TNIK: variants seen among roughly 807,000 people sequenced by gnomAD.
The protein encoded by TNIK is TRAF2 and NCK interacting kinase, also known as TRAF2 and NCK-interacting protein kinase.
In TNIK, 49 loss-of-function variants were observed where a neutral mutation model predicts 191.3. The observed-to-expected ratio is 0.26, with a 90% CI of 0.20 to 0.32. The LOEUF (loss-of-function observed/expected upper bound fraction) is 0.32. Among genes scored for constraint, TNIK ranks in the 10% least tolerant of loss-of-function variants. The pLI is 1.00. For synonymous variants in TNIK, 594 were observed against 600.9 expected (o/e 0.99, Z 0.17); for missense variants, 1,155 against 1,702.3 (o/e 0.68, Z 5.66).
At chr3:171,426,397 GC>G (rs1724604767) in intron 1 of TNIK, among the ~76,000 whole-genome samples, 1 of 121,460 alleles carries the variant, frequency 8.2e-6, no homozygotes, top group African/African-American at 3.2e-5. Flanking sequence ...ACACACTGGG[GC>G]CTGTTGTGGG....
rs142093464 is a variant in TNIK, at chr3:171,129,849, C to T, written c.1609-971G>A. Among the ~76,000 whole-genome samples, 191 of 152,306 alleles carry T rather than the reference C, an allele frequency of 1.3e-3. 1 individual carries two copies. Among genetic ancestry groups the T allele is most frequent in the African/African-American group, 4.3e-3 (180 of 41,564 alleles). ...AAGAGAAACTTAGATAAACAAGGTG[C>T]GCACTCTAAGATATGGCTTAAGATC... On this transcript the variant is annotated intron_variant, in intron 15 of 32. Transcript: ENST00000436636.
intron 15 of TNIK, among the ~76,000 whole-genome samples, chr3:171,137,743 T>C (rs1396679951): frequency 2.0e-5 from 3 of 152,198 alleles, no homozygotes. Context: ...AGTATCACAG[T>C]GAACAAAGTT....
At chr3:171,189,095 C>G (rs1228915424) in intron 6 of TNIK, among the ~76,000 whole-genome samples, 1 of 152,200 alleles carries the variant, frequency 6.6e-6, no homozygotes, top group African/African-American at 2.4e-5. Context: ...CCCCTTGCCC[C>G]AACCCCTGGC....
chr3:171,224,071 T>C (rs565225780), intron 3 of TNIK, among the ~76,000 whole-genome samples: 28 of 152,070 alleles, frequency 1.8e-4, no homozygotes, highest in Non-Finnish European at 3.1e-4. Flanking sequence ...ACCACTGATA[T>C]TCAGACTGGC....
chr3:171,378,499 G>A (rs951756496), intron 1 of TNIK, among the ~76,000 whole-genome samples: 1 of 152,130 alleles, frequency 6.6e-6, no homozygotes, highest in Non-Finnish European at 1.5e-5. Flanking sequence ...CTTAAAAAGT[G>A]TTCGCTAAAA....
At chr3:171,096,497 T>C (rs1722732362) in intron 22 of TNIK, among the ~76,000 whole-genome samples, 1 of 152,158 alleles carries the variant, frequency 6.6e-6, no homozygotes, top group Non-Finnish European at 1.5e-5. Context: ...TTTAACAAAA[T>C]CCTGCCCCAA....
At chr3:171,203,967 T>C (rs1411731380) in intron 4 of TNIK, among the ~76,000 whole-genome samples, 1 of 152,232 alleles carries the variant, frequency 6.6e-6, no homozygotes, top group East Asian at 1.9e-4. Flanking sequence ...TTACGAGATA[T>C]TCTAGCCCTG....
intron 2 of TNIK, among the ~76,000 whole-genome samples, chr3:171,330,461 T>A (rs1756284074): frequency 1.3e-5 from 2 of 152,208 alleles, no homozygotes; most frequent in South Asian, 2.1e-4. Context: ...TCTTTTCTTC[T>A]CCCTCTCCAG....
chr3:171,213,202 T>C (rs1220287583), intron 3 of TNIK, among the ~76,000 whole-genome samples: 3 of 152,078 alleles, frequency 2.0e-5, no homozygotes, highest in Non-Finnish European at 4.4e-5. Flanking sequence ...CTTACTATGG[T>C]GCACATTGGC....
Position 171,177,334 on chromosome 3 carries a change from C to T in TNIK, c.686G>A (p.Gly229Asp). The T allele has an allele frequency of 6.2e-7, 1 of 1,607,682 alleles. No individual in the cohort carries two copies. Among genetic ancestry groups the T allele is most frequent in the Non-Finnish European group, 8.5e-7 (1 of 1,177,134 alleles). Residue 229 changes from glycine to aspartate, a missense_variant, in exon 8 of 33, where the codon GGT becomes GAT. Gly to Asp is a moderately conservative substitution (Grantham distance 94). Coordinates refer to ENST00000436636, the MANE Select transcript of TNIK (RefSeq NM_015028.4). ...CAGAGGAGGGTACTTACGGGGAGCA[C>T]CTTCTGCCATTTCAATGGCGGTGAT... ...LGITAIEMAEGAPPLCDMHPM... is the reference protein window; with the variant it reads ...LGITAIEMAEDAPPLCDMHPM...
intron 1 of TNIK, among the ~76,000 whole-genome samples, chr3:171,399,445 C>T (rs1720640536): frequency 6.6e-6 from 1 of 151,956 alleles, no homozygotes; most frequent in African/African-American, 2.4e-5. Flanking sequence ...AAAAACATGT[C>T]CTAAAGAAAT....
chr3:171,171,430 C>T (rs576797450), intron 9 of TNIK, among the ~76,000 whole-genome samples: 2 of 151,966 alleles, frequency 1.3e-5, no homozygotes, highest in African/African-American at 4.8e-5. Flanking sequence ...GGCTGGTTCT[C>T]CCAGTAAGGA....
At chr3:171,181,916 G>A (rs1317622912) in intron 7 of TNIK, among the ~76,000 whole-genome samples, 2 of 152,178 alleles carry the variant, frequency 1.3e-5, no homozygotes, top group African/African-American at 2.4e-5. Flanking sequence ...TAAGGAAATG[G>A]AGAGGTCTCA....
At chr3:171,246,087 C>T (rs192289048) in intron 2 of TNIK, among the ~76,000 whole-genome samples, 4 of 152,158 alleles carry the variant, frequency 2.6e-5, no homozygotes, top group East Asian at 3.9e-4. Context: ...GGGAGGAAGA[C>T]GAGTGTGCTG....
chr3:171,243,107 A>T (rs1053486167), intron 2 of TNIK, among the ~76,000 whole-genome samples: 1 of 152,208 alleles, frequency 6.6e-6, no homozygotes, highest in East Asian at 1.9e-4. Flanking sequence ...AAATAGAAAT[A>T]CTTGTTATGC....
chr3:171,406,937 T>C (rs1277929828), intron 1 of TNIK, among the ~76,000 whole-genome samples: 1 of 152,148 alleles, frequency 6.6e-6, no homozygotes, highest in African/African-American at 2.4e-5. Context: ...AGACTGTACC[T>C]TGAAGAAAGA....
chr3:171,111,939 T>G (rs1398189876), intron 18 of TNIK, among the ~76,000 whole-genome samples: 1 of 152,140 alleles, frequency 6.6e-6, no homozygotes, highest in East Asian at 1.9e-4. Context: ...TGGGAAGATG[T>G]TGGTCAAAGG....
intron 7 of TNIK, among the ~76,000 whole-genome samples, chr3:171,185,807 A>C (rs971573745): frequency 2.6e-5 from 4 of 152,210 alleles, no homozygotes; most frequent in Admixed American, 6.5e-5. Flanking sequence ...AAATAACAAA[A>C]CTAAGCTATA....
intron 1 of TNIK, among the ~76,000 whole-genome samples, chr3:171,432,406 C>T (rs1294902651): frequency 1.3e-5 from 2 of 152,280 alleles, no homozygotes; most frequent in African/African-American, 4.8e-5. Context: ...TAAATATTCA[C>T]ATGTGGACAA....
Sources: gnomAD v4.1 joint callset for allele counts (sites outside exome capture counted in the v4.1 genomes callset) on GRCh38, gnomAD v4.1.1 for gene constraint, MANE v1.5 for transcripts, NCBI Gene and HGNC (gene_info 2026-07-23, HGNC 2026-07-21) for gene names.